Variants in ESR2 observed in about 807,000 individuals in gnomAD.
The protein encoded by ESR2 is estrogen receptor 2.
Under a neutral mutation model 49.6 loss-of-function variants are expected in ESR2, and 36 were observed. That is an observed-to-expected ratio of 0.73 (90% CI 0.56 to 0.96). The LOEUF is 0.96. ESR2 is among the 40% of genes least tolerant of loss of function. ESR2 has a pLI of 0.00. For synonymous variants in ESR2, 320 were observed against 266.1 expected, an observed-to-expected ratio of 1.20 and a Z score of -1.97; for missense variants, 714 against 693.0, an observed-to-expected ratio of 1.03 and a Z score of -0.34.
At chr14:64,256,401 T>C (rs758132990) in intron 6 of ESR2, among the ~76,000 whole-genome samples, 18 of 152,198 alleles carry the variant, frequency 1.2e-4, no homozygotes, top group Non-Finnish European at 1.8e-4. Flanking sequence ...TCCACCGCTA[T>C]TGCCAAAAAT....
intron 6 of ESR2, among the ~76,000 whole-genome samples, chr14:64,253,618 G>A (rs866075536): frequency 1.6e-4 from 23 of 147,614 alleles, no homozygotes; most frequent in South Asian, 8.6e-4. Flanking sequence ...GTATGTGTGT[G>A]TATATATATA....
Position 64,320,546 on chromosome 14 carries a change from T to C in ESR2, c.-91+17352A>G, listed in dbSNP as rs1407829366. On this transcript the variant is annotated intron_variant, in intron 1 of 8. Transcript: ENST00000358599. ...GTAATTATACACTTTTCAAAACCCA[T>C]AGAATGTACATTACAGAATGAATCC... 7.2e-5 allele frequency among the ~76,000 whole-genome samples: 11 copies of C among 152,146 alleles called. No homozygotes were observed. The East Asian group carries it at 2.1e-3, about 29-fold the overall frequency.
chr14:64,315,731 T>G (rs891881125), intron 1 of ESR2, among the ~76,000 whole-genome samples: 2 of 151,950 alleles, frequency 1.3e-5, no homozygotes, highest in African/African-American at 4.8e-5. Flanking sequence ...CTCAGCTCAC[T>G]GCAACCTCTG....
intron 1 of ESR2, among the ~76,000 whole-genome samples, chr14:64,314,899 A>AAAAG (rs1331769716): frequency 1.3e-5 from 2 of 150,496 alleles, no homozygotes; most frequent in Non-Finnish European, 3.0e-5. Context: ...AAAAAAAAAA[A>AAAAG]AAAGAAAAAT....
intron 7 of ESR2, among the ~76,000 whole-genome samples, chr14:64,236,413 G>A (rs1455535291): frequency 6.6e-6 from 1 of 151,960 alleles, no homozygotes; most frequent in Non-Finnish European, 1.5e-5. Context: ...CCCACCGCAG[G>A]GGAAACAAGA....
rs902185573 is a variant in ESR2, at chr14:64,231,482, A to G, written c.*1655T>C. 3 of 152,240 alleles carry G rather than the reference A, an allele frequency of 2.0e-5. No homozygotes were observed. The highest frequency in any genetic ancestry group is 4.8e-5 in the African/African-American group (2 of 41,470). The allele number at this position is 152,240 out of a possible 1,614,324, so 9.4% of individuals were successfully genotyped here. A position where few individuals can be genotyped will look rare whatever the true frequency, so the allele number is the denominator to read the frequency against. On this transcript the variant is annotated 3_prime_UTR_variant, in exon 9 of 9. Transcript: ENST00000341099. ...ATAACTTCAGACTGCCTCAGAACAC[A>G]GACATCAGTGTGTTCTCTAGGTACT...
At chr14:64,274,106 A>T (rs956775247) in intron 3 of ESR2, among the ~76,000 whole-genome samples, 2 of 150,406 alleles carry the variant, frequency 1.3e-5, no homozygotes, top group Non-Finnish European at 3.0e-5. Flanking sequence ...CACCTGGCTA[A>T]TTTGTAATTT....
Position 64,260,652 on chromosome 14 carries a change from C to T in ESR2, c.749G>A (p.Gly250Asp). The T allele has an allele frequency of 6.3e-7, 1 of 1,599,562 alleles. No individual in the cohort carries two copies. Among genetic ancestry groups the T allele is most frequent in the Non-Finnish European group, 8.5e-7 (1 of 1,172,744 alleles). The part of the protein sequence containing the change: ...HCAGKAKRSG[G>D]HAPRVRELLL... The stretch of plus-strand genomic sequence containing the variant: ...CAGCTCCCGCACTCGGGGCGCGTGG[C>T]CGCCACTTCTCTTGGCCTTGCCGGC... Residue 250 changes from glycine (G) to aspartate (D), a missense_variant, in exon 5 of 9, where the codon GGC (glycine) becomes GAC (aspartate). Gly to Asp is a moderately conservative substitution (Grantham distance 94). Coordinates refer to ENST00000341099, the MANE Select transcript of ESR2 (RefSeq NM_001437.3).
chr14:64,259,525 ACTC>A (rs1174106596), intron 5 of ESR2, among the ~76,000 whole-genome samples: 1 of 152,192 alleles, frequency 6.6e-6, no homozygotes, highest in African/African-American at 2.4e-5. Context: ...TCCTAGATTC[ACTC>A]CTCCACAGAA....
chr14:64,283,826 G>A (rs2140825401), intron 1 of ESR2, among the ~76,000 whole-genome samples: 1 of 146,940 alleles, frequency 6.8e-6, no homozygotes, highest in African/African-American at 2.5e-5. Context: ...AACACATTAT[G>A]AATCTCCAAT....
At chr14:64,250,027 T>TATCA (rs1179486779) in intron 6 of ESR2, among the ~76,000 whole-genome samples, 2 of 152,230 alleles carry the variant, frequency 1.3e-5, no homozygotes, top group Non-Finnish European at 2.9e-5. Flanking sequence ...ATCAAAACCA[T>TATCA]ATCAGTCAAC....
intron 1 of ESR2, among the ~76,000 whole-genome samples, chr14:64,320,349 T>G (rs1206142169): frequency 6.6e-6 from 1 of 152,018 alleles, no homozygotes; most frequent in African/African-American, 2.4e-5. Context: ...GAGAATTGCT[T>G]TAGCCCAGGA....
intron 3 of ESR2, among the ~76,000 whole-genome samples, chr14:64,278,260 A>C (rs970320118): frequency 6.6e-6 from 1 of 152,202 alleles, no homozygotes; most frequent in Admixed American, 6.5e-5. Context: ...CCCTATGAGT[A>C]TCTCCATTTC....
At chr14:64,302,347 C>T (rs1044312167) in intron 1 of ESR2, among the ~76,000 whole-genome samples, 7 of 151,866 alleles carry the variant, frequency 4.6e-5, no homozygotes, top group East Asian at 1.9e-4. Flanking sequence ...CCACCATGCC[C>T]GGCTAATTTT....
rs909334130 is a variant in ESR2 at position 64,229,869 on chromosome 14, T to G, written c.*3268A>C. Among the ~76,000 whole-genome samples the G allele has an allele frequency of 8.5e-5, 13 of 152,172 alleles. No homozygotes were observed. The highest frequency in any genetic ancestry group is 2.7e-4 in the African/African-American group (11 of 41,416). On this transcript the variant is annotated 3_prime_UTR_variant, in exon 9 of 9. Coordinates refer to ENST00000341099, the MANE Select transcript of ESR2 (RefSeq NM_001437.3). ...TGTGTTTTTATCTTTTTAAAAGATTTTCAGCAACTTAAAAAAAAATGTGGC... is the reference window on the plus strand; with the variant it reads ...TGTGTTTTTATCTTTTTAAAAGATTGTCAGCAACTTAAAAAAAAATGTGGC...
At chr14:64,289,744 T>C (rs1231767762) in intron 1 of ESR2, among the ~76,000 whole-genome samples, 1 of 152,144 alleles carries the variant, frequency 6.6e-6, no homozygotes, top group Non-Finnish European at 1.5e-5. Flanking sequence ...CTAGTCCAGA[T>C]AGCTGGGCTG....
chr14:64,257,236 C>A lies in ESR2; in HGVS notation c.1081G>T (p.Val361Phe), dbSNP rs1208516471. Residue 361 changes from valine (V) to phenylalanine (F), a missense_variant, in exon 6 of 9, where the codon GTT (valine) becomes TTT (phenylalanine). Coordinates refer to ENST00000341099, the MANE Select transcript of ESR2 (RefSeq NM_001437.3). ...TGTATTTTTTCTCACCTGTCCAGAA[C>A]AAGATCTGGAGCAAAGATGAGCTTG... ...PGKLIFAPDL[V>F]LDRDEGKCVE... The A allele has an allele frequency of 7.4e-6, 12 of 1,614,068 alleles. No individual in the cohort carries two copies. Among genetic ancestry groups the A allele is most frequent in the African/African-American group, 1.3e-5 (1 of 74,922 alleles).
intron 4 of ESR2, among the ~76,000 whole-genome samples, chr14:64,262,278 CT>C (rs1282277659): frequency 6.6e-6 from 1 of 152,018 alleles, no homozygotes; most frequent in Non-Finnish European, 1.5e-5. Context: ...CCACATCTGA[CT>C]AATTTTTGTA....
chr14:64,265,598 A>G (rs1174267296), intron 4 of ESR2, among the ~76,000 whole-genome samples: 1 of 152,176 alleles, frequency 6.6e-6, no homozygotes, highest in African/African-American at 2.4e-5. Context: ...CACCCAAAAT[A>G]TGTTGAGCTA....
Sources: allele counts gnomAD v4.1 joint callset (sites outside exome capture counted in the v4.1 genomes callset), GRCh38; gene constraint gnomAD v4.1.1; transcripts MANE v1.5; gene names NCBI Gene and HGNC (gene_info 2026-07-23, HGNC 2026-07-21).